Variants in SLC9A9 observed in about 807,000 individuals in gnomAD.
SLC9A9 encodes the protein sodium/hydrogen exchanger 9.
A neutral mutation model predicts 77.8 loss-of-function variants in SLC9A9; 62 were observed. The ratio of observed to expected loss-of-function variants is 0.80; its 90% confidence interval spans 0.65 to 0.98. SLC9A9 has a LOEUF of 0.98. Among genes scored for constraint, SLC9A9 ranks in the 50% least tolerant of loss-of-function variants. The pLI is 0.00. For missense variants in SLC9A9, 775 were observed against 774.9 expected (o/e 1.00, Z 0.00); for synonymous variants, 320 against 283.5 (o/e 1.13, Z -1.29).
chr3:143,522,825 G>A (rs2036335674), intron 9 of SLC9A9, among the ~76,000 whole-genome samples: 1 of 152,048 alleles, frequency 6.6e-6, no homozygotes, highest in Admixed American at 6.6e-5. Flanking sequence ...ATAAAAAACT[G>A]TAAGAGGAAA....
intron 5 of SLC9A9, among the ~76,000 whole-genome samples, chr3:143,689,637 T>C (rs889350007): frequency 4.6e-5 from 7 of 151,798 alleles, no homozygotes; most frequent in African/African-American, 1.7e-4. Context: ...CTTGAACTTC[T>C]GGGCTCAAGT....
At chr3:143,711,630 G>C (rs978863034) in intron 4 of SLC9A9, among the ~76,000 whole-genome samples, 1 of 148,728 alleles carries the variant, frequency 6.7e-6, no homozygotes, top group African/African-American at 2.5e-5. Flanking sequence ...TGCCCAGGTT[G>C]GTCTTGAATT....
chr3:143,340,897 CTA>C (rs1479164441), intron 14 of SLC9A9, among the ~76,000 whole-genome samples: 1 of 152,108 alleles, frequency 6.6e-6, no homozygotes, highest in African/African-American at 2.4e-5. Flanking sequence ...TTGAAATTTG[CTA>C]GTCATTAGTG....
intron 14 of SLC9A9, among the ~76,000 whole-genome samples, chr3:143,338,794 C>T (rs894738283): frequency 6.6e-6 from 1 of 152,042 alleles, no homozygotes; most frequent in Non-Finnish European, 1.5e-5. Flanking sequence ...ACACATTCTC[C>T]CATTTTAAAT....
intron 6 of SLC9A9, among the ~76,000 whole-genome samples, chr3:143,642,011 C>A (rs2038633148): frequency 1.3e-5 from 2 of 152,170 alleles, no homozygotes; most frequent in Non-Finnish European, 2.9e-5. Context: ...TTGTTTCTCC[C>A]TTATTCTGAG....
At chr3:143,721,082 T>A (rs887949901) in intron 4 of SLC9A9, among the ~76,000 whole-genome samples, 1 of 152,030 alleles carries the variant, frequency 6.6e-6, no homozygotes, top group Admixed American at 6.5e-5. Flanking sequence ...TGGTGGTACA[T>A]TAGTAAATGC....
chr3:143,275,979 C>T (rs1009522833), intron 14 of SLC9A9, among the ~76,000 whole-genome samples: 2 of 152,138 alleles, frequency 1.3e-5, no homozygotes, highest in Non-Finnish European at 2.9e-5. Flanking sequence ...TGAAATATGG[C>T]GGTTTGCATG....
In SLC9A9 at chr3:143,409,559, G is replaced by A. The variant is rs537798382; in HGVS notation, c.1470-27445C>T. Among the ~76,000 whole-genome samples the A allele has an allele frequency of 3.9e-5, 6 of 152,296 alleles. No homozygotes were observed. The East Asian group carries it at 1.2e-3, about 29-fold the overall frequency. Reference sequence around the variant, plus strand: ...TAACAAGGCACAAATCAGTGGTAGAGGATTAAGCAAATATACTTTGCCTGA... The same window carrying A: ...TAACAAGGCACAAATCAGTGGTAGAAGATTAAGCAAATATACTTTGCCTGA... On this transcript the variant is annotated intron_variant, in intron 12 of 15. Coordinates refer to ENST00000316549, the MANE Select transcript of SLC9A9 (RefSeq NM_173653.4).
intron 2 of SLC9A9, among the ~76,000 whole-genome samples, chr3:143,818,474 T>G (rs1021975328): frequency 6.6e-6 from 1 of 151,960 alleles, no homozygotes; most frequent in Non-Finnish European, 1.5e-5. Context: ...GCCCAGCTGA[T>G]TTTTGTATTT....
intron 13 of SLC9A9, among the ~76,000 whole-genome samples, chr3:143,367,084 C>T (rs1428831011): frequency 6.6e-6 from 1 of 152,134 alleles, no homozygotes; most frequent in African/African-American, 2.4e-5. Flanking sequence ...TCTTTTTCTC[C>T]TTTTTATTTC....
chr3:143,424,963 G>A (rs1208306238), intron 12 of SLC9A9, among the ~76,000 whole-genome samples: 1 of 152,182 alleles, frequency 6.6e-6, no homozygotes, highest in Non-Finnish European at 1.5e-5. Context: ...TTAATAGCAT[G>A]AGTTCTATAA....
At chr3:143,505,342 GC>G (rs1360225254) in intron 9 of SLC9A9, among the ~76,000 whole-genome samples, 3 of 152,062 alleles carry the variant, frequency 2.0e-5, no homozygotes, top group Non-Finnish European at 4.4e-5. Flanking sequence ...ATTCTGTTTT[GC>G]CCTGTGCCCT....
intron 9 of SLC9A9, among the ~76,000 whole-genome samples, chr3:143,497,019 C>A (rs1195223022): frequency 1.3e-5 from 2 of 152,132 alleles, no homozygotes; most frequent in Non-Finnish European, 2.9e-5. Flanking sequence ...GGGCACTAAT[C>A]CAATTTCTAA....
chr3:143,672,490 G>A (rs1186576235), intron 5 of SLC9A9, among the ~76,000 whole-genome samples: 2 of 152,208 alleles, frequency 1.3e-5, no homozygotes, highest in African/African-American at 2.4e-5. Context: ...TTATGCCAAT[G>A]TGAGTAATCT....
In SLC9A9 at chr3:143,288,222, G is replaced by A. The variant is rs562197756; in HGVS notation, c.1605-19242C>T. Among the ~76,000 whole-genome samples the A allele has an allele frequency of 4.0e-5, 6 of 151,030 alleles. No homozygotes were observed. The South Asian group carries it at 1.3e-3, about 31-fold the overall frequency. On this transcript the variant is annotated intron_variant, in intron 14 of 15. Transcript: ENST00000316549. Reference sequence around the variant, plus strand: ...GATTGTAATTTCAGCTATACATAGAGTATAGGGAAAAAAAAGCTAAGCCTG... The same window carrying A: ...GATTGTAATTTCAGCTATACATAGAATATAGGGAAAAAAAAGCTAAGCCTG...
chr3:143,295,046 C>T (rs1244099994), intron 14 of SLC9A9, among the ~76,000 whole-genome samples: 1 of 152,106 alleles, frequency 6.6e-6, no homozygotes, highest in Non-Finnish European at 1.5e-5. Flanking sequence ...TCTGGCATGC[C>T]CATGAGCTGA....
chr3:143,718,770 C>A (rs1576679639), intron 4 of SLC9A9, among the ~76,000 whole-genome samples: 1 of 152,158 alleles, frequency 6.6e-6, no homozygotes, highest in East Asian at 1.9e-4. Flanking sequence ...CTTCTTTCAT[C>A]AAAAATTATC....
At chr3:143,828,402 G>T (rs1276746453) in intron 2 of SLC9A9, among the ~76,000 whole-genome samples, 2 of 152,132 alleles carry the variant, frequency 1.3e-5, no homozygotes, top group Non-Finnish European at 2.9e-5. Context: ...ACATTGGTCA[G>T]TAAAAAAGGT....
chr3:143,711,123 G>A (rs1934180066), intron 4 of SLC9A9, among the ~76,000 whole-genome samples: 1 of 152,156 alleles, frequency 6.6e-6, no homozygotes, highest in Admixed American at 6.5e-5. Context: ...TCCTTGCCCT[G>A]ATTCTTGGTT....
Sources: gnomAD v4.1 joint callset for allele counts (sites outside exome capture counted in the v4.1 genomes callset) on GRCh38, gnomAD v4.1.1 for gene constraint, MANE v1.5 for transcripts, NCBI Gene and HGNC (gene_info 2026-07-23, HGNC 2026-07-21) for gene names.